The following RGPD8 variants were observed in gnomAD, a reference collection of about 807,000 sequenced individuals.
RGPD8 encodes RANBP2 like and GRIP domain containing 8.
Under a neutral mutation model 89.1 loss-of-function variants are expected in RGPD8, and 15 were observed. That is an observed-to-expected ratio of 0.17 (90% CI 0.11 to 0.26). The LOEUF is 0.26. RGPD8 is among the 10% of genes least tolerant of loss of function. RGPD8 has a pLI of 1.00. For missense variants in RGPD8, 178 were observed against 1,179.6 expected, an observed-to-expected ratio of 0.15 and a Z score of 12.44; for synonymous variants, 62 against 420.9, an observed-to-expected ratio of 0.15 and a Z score of 10.44.
intron 1 of RGPD8, among the ~76,000 whole-genome samples, chr2:112,427,221 C>T (rs2104836771): frequency 6.6e-6 from 1 of 151,988 alleles, no homozygotes; most frequent in Non-Finnish European, 1.5e-5. Flanking sequence ...ATTCCATTAC[C>T]TTCTTTGCTT....
chr2:112,423,706 TAAA>T (rs3979360), intron 2 of RGPD8, among the ~76,000 whole-genome samples: 1 of 108,882 alleles, frequency 9.2e-6, no homozygotes, highest in Non-Finnish European at 1.9e-5. Flanking sequence ...AGATACTGCC[TAAA>T]AAAAAAAAAA....
Position 112,432,963 on chromosome 2 carries a change from G to C in RGPD8, c.72+419C>G, listed in dbSNP as rs555426133. On this transcript the variant is annotated intron_variant, in intron 1 of 22. Coordinates refer to ENST00000302558, the MANE Select transcript of RGPD8 (RefSeq NM_001164463.1). ...GACCCATCGAGGCCGCCGCCGGGCC[G>C]GGTCGAGGCCGCCGCCTCAACAGAG... Among the ~76,000 whole-genome samples, 5 of 135,398 alleles carry C rather than the reference G, an allele frequency of 3.7e-5. 1 individual carries two copies. In the South Asian group the frequency reaches 1.0e-3, roughly 27 times the overall value. 88.8% of individuals were successfully genotyped at this position (135,398 alleles called of 152,430 possible).
intron 1 of RGPD8, among the ~76,000 whole-genome samples, chr2:112,428,709 A>C (rs1264123276): frequency 6.6e-6 from 1 of 152,178 alleles, no homozygotes; most frequent in Admixed American, 6.5e-5. Flanking sequence ...ACAATCAATC[A>C]ATCAATCAAT....
intron 6 of RGPD8, 30 bp downstream of exon 6, chr2:112,417,163 A>G: frequency 6.2e-7 from 1 of 1,608,238 alleles, no homozygotes; most frequent in Non-Finnish European, 8.5e-7. Context: ...TGCAATTTAT[A>G]CTAAAGCATT....
chr2:112,410,630 T>A (rs1269176178), intron 7 of RGPD8, among the ~76,000 whole-genome samples: 1 of 149,626 alleles, frequency 6.7e-6, no homozygotes, highest in African/African-American at 2.5e-5. Context: ...TACAAAAAAT[T>A]AGCCAGGCAT....
intron 1 of RGPD8, among the ~76,000 whole-genome samples, chr2:112,431,082 T>C (rs1680009930): frequency 6.6e-6 from 1 of 152,064 alleles, no homozygotes; most frequent in Admixed American, 6.5e-5. Context: ...TGAAACCCAG[T>C]CTCTACCAAA....
At chr2:112,416,011 A>G (rs1192973897) in intron 6 of RGPD8, among the ~76,000 whole-genome samples, 1 of 151,332 alleles carries the variant, frequency 6.6e-6, no homozygotes, top group Non-Finnish European at 1.5e-5. Flanking sequence ...AATCGCCTGA[A>G]CCCGGGAGGC....
chr2:112,374,818 T>G (rs1194504490), intron 22 of RGPD8, among the ~76,000 whole-genome samples: 1 of 145,072 alleles, frequency 6.9e-6, no homozygotes, highest in Admixed American at 6.9e-5. Flanking sequence ...CCATGCTGAA[T>G]TCTGTGTAAT....
rs761137132 is a variant in RGPD8 at position 112,433,496 on chromosome 2, C to T, written c.-43G>A. ...TCCCGAGACGCGTGCGAGCACCGCT[C>T]AGCCCCGCAGCAGTCGCCACTTCCA... On this transcript the variant is annotated 5_prime_UTR_variant, in exon 1 of 23. Transcript: ENST00000302558. 9 of 1,580,450 alleles carry T rather than the reference C, an allele frequency of 5.7e-6. 1 individual carries two copies. The highest frequency in any genetic ancestry group is 1.7e-5 in the Admixed American group (1 of 57,574).
rs1291093513 is a variant in RGPD8, at chr2:112,432,887, C to T, written c.72+495G>A. On this transcript the variant is annotated intron_variant, in intron 1 of 22. Coordinates refer to ENST00000302558, the MANE Select transcript of RGPD8 (RefSeq NM_001164463.1). ...CCACAGGACTGCGCTAGCCGGCCTCCGCCTCAACAGAGCGCGCCAGGGAGC... is the reference window on the plus strand; with the variant it reads ...CCACAGGACTGCGCTAGCCGGCCTCTGCCTCAACAGAGCGCGCCAGGGAGC... 2.6e-5 allele frequency among the ~76,000 whole-genome samples: 4 copies of T among 151,694 alleles called. No individual in the cohort carries two copies. The South Asian group carries it at 8.3e-4, about 31-fold the overall frequency.
At chr2:112,408,566 T>G (rs1574007501) in intron 7 of RGPD8, among the ~76,000 whole-genome samples, 1 of 149,450 alleles carries the variant, frequency 6.7e-6, no homozygotes, top group East Asian at 2.0e-4. Flanking sequence ...CAAACTGACC[T>G]CAATTCATAA....
chr2:112,415,980 C>T (rs1379252999), intron 6 of RGPD8, among the ~76,000 whole-genome samples: 1 of 152,010 alleles, frequency 6.6e-6, no homozygotes, highest in African/African-American at 2.4e-5. Flanking sequence ...GTCCCAGCTA[C>T]TTGGGAGGCT....
At chr2:112,413,699 A>C (rs904582324) in intron 6 of RGPD8, among the ~76,000 whole-genome samples, 4 of 129,276 alleles carry the variant, frequency 3.1e-5, no homozygotes, top group African/African-American at 9.7e-5. Flanking sequence ...TGTAGAGCTG[A>C]CTTTTTTTGT....
rs1038077808 is a variant in RGPD8, at chr2:112,433,633, C to G, written c.-180G>C. ...CCACTGTGACGAACCTGCGTTCTGC[C>G]TCAGCACTGTGTATCCTCGGGGACG... On this transcript the variant is annotated 5_prime_UTR_variant, in exon 1 of 23. Coordinates refer to ENST00000302558, the MANE Select transcript of RGPD8 (RefSeq NM_001164463.1). 8 of 748,038 alleles carry G rather than the reference C, an allele frequency of 1.1e-5. No individual in the cohort carries two copies. Among genetic ancestry groups the G allele is most frequent in the Admixed American group, 8.7e-5 (3 of 34,314 alleles). The allele number at this position is 748,038 out of a possible 1,614,324, so 46.3% of individuals were successfully genotyped here.
In RGPD8 at chr2:112,433,587, T is replaced by A; in HGVS notation, c.-134A>T. 1.0e-6 allele frequency: 1 copy of A among 974,320 alleles called. No homozygotes were observed. Among genetic ancestry groups the A allele is most frequent in the Non-Finnish European group, 1.5e-6 (1 of 674,994 alleles). 60.4% of individuals were successfully genotyped at this position (974,320 alleles called of 1,614,324 possible). A position where few individuals can be genotyped will look rare whatever the true frequency, so the allele number is the denominator to read the frequency against. On this transcript the variant is annotated 5_prime_UTR_variant, in exon 1 of 23. Coordinates refer to ENST00000302558, the MANE Select transcript of RGPD8 (RefSeq NM_001164463.1). ...CGGCGGAGGCCCACTGTGACGAGCG[T>A]GCGGCGCCGCCCACGGAGGCCCACT...
Position 112,422,569 on chromosome 2 carries a change from C to T in RGPD8, c.231G>A (p.Glu77=), listed in dbSNP as rs537832030. Residue 77 remains glutamate, a synonymous_variant, in exon 3 of 23, where the codon GAG becomes GAA. Coordinates refer to ENST00000302558, the MANE Select transcript of RGPD8 (RefSeq NM_001164463.1). ...TTACCCTGTAACATTCAACGGCTTT[C>T]TCTGTGTTTTCTTCCAATTCATAAA... ...GLLYELEENT[E]KAVECYRRSV... 1,283 of 1,610,312 alleles carry T rather than the reference C, an allele frequency of 8.0e-4. 38 individuals are homozygous for T. In the African/African-American group the frequency reaches 0.016, roughly 19 times the overall value.
intron 6 of RGPD8, among the ~76,000 whole-genome samples, chr2:112,416,088 C>CAA (rs1168507298): frequency 0.18 from 16,006 of 89,974 alleles, 160 homozygotes; most frequent in East Asian, 0.24. Context: ...GACTCCATCT[C>CAA]AAAAAAAAAA....
At position 112,389,470 on chromosome 2, in the gene RGPD8, A is replaced by ATTCT. The variant is rs1315238209; in HGVS notation, c.3471_3474dup (p.Phe1159ArgfsTer7). 1 of 1,607,500 alleles carries ATTCT rather than the reference A, an allele frequency of 6.2e-7. No individual in the cohort carries two copies. Among genetic ancestry groups the ATTCT allele is most frequent in the Admixed American group, 1.7e-5 (1 of 59,940 alleles). ...TGGCATTCCTCAAATTTCTGCTTGA[A>ATTCT]TTCTTCAGCCAGCTCTGGTGTTTTA... On this transcript the variant is annotated frameshift_variant, in exon 20 of 23. Transcript: ENST00000302558. LOFTEE classifies it high-confidence loss of function.
Position 112,425,917 on chromosome 2 carries a change from T to C in RGPD8, c.73-1610A>G, listed in dbSNP as rs565104486. On this transcript the variant is annotated intron_variant, in intron 1 of 22. Coordinates refer to ENST00000302558, the MANE Select transcript of RGPD8 (RefSeq NM_001164463.1). ...CCAGGTTGCCATCAATCGAAACATG[T>C]TTCCTGTTTGTGTCCTCCACCCACA... Among the ~76,000 whole-genome samples, 119 of 152,156 alleles carry C rather than the reference T, an allele frequency of 7.8e-4. 1 individual carries two copies. In the East Asian group the frequency reaches 0.02, roughly 25 times the overall value.
Sources: allele counts gnomAD v4.1 joint callset (sites outside exome capture counted in the v4.1 genomes callset), GRCh38; gene constraint gnomAD v4.1.1; transcripts MANE v1.5; gene names NCBI Gene and HGNC (gene_info 2026-07-23, HGNC 2026-07-21).